The following ADAMTSL1 variants were observed in gnomAD, a reference collection of about 807,000 sequenced individuals.
The protein encoded by ADAMTSL1 is ADAMTS like 1, also known as ADAMTS-like protein 1.
In ADAMTSL1, 126 loss-of-function variants were observed where a neutral mutation model predicts 201.8. The observed-to-expected ratio is 0.62, with a 90% CI of 0.54 to 0.72. The LOEUF is 0.72. Among genes scored for constraint, ADAMTSL1 ranks in the 30% least tolerant of loss-of-function variants. The pLI, the probability that ADAMTSL1 is intolerant of heterozygous loss-of-function variation, is 0.00. For synonymous variants in ADAMTSL1, 1,121 were observed against 903.4 expected (o/e 1.24, Z -4.32); for missense variants, 2,679 against 2,277.8 (o/e 1.18, Z -3.59).
At chr9:18,171,271 A>C (rs1446653516) in intron 2 of ADAMTSL1, among the ~76,000 whole-genome samples, 2 of 152,106 alleles carry the variant, frequency 1.3e-5, no homozygotes, top group Non-Finnish European at 2.9e-5. Flanking sequence ...TAAAGGATGT[A>C]ATAAATGGTT....
chr9:18,027,592 T>G (rs1232216165), intron 1 of ADAMTSL1, among the ~76,000 whole-genome samples: 1 of 152,084 alleles, frequency 6.6e-6, no homozygotes, highest in Admixed American at 6.6e-5. Context: ...TTGGTATGAC[T>G]TAAATTTTAT....
intron 1 of ADAMTSL1, among the ~76,000 whole-genome samples, chr9:18,061,716 A>G (rs1229318084): frequency 6.6e-6 from 1 of 152,254 alleles, no homozygotes; most frequent in Non-Finnish European, 1.5e-5. Flanking sequence ...TTAGTGTCAT[A>G]TCATTTGAAA....
intron 4 of ADAMTSL1, among the ~76,000 whole-genome samples, chr9:18,609,316 A>G (rs1825226313): frequency 1.3e-5 from 2 of 152,276 alleles, no homozygotes; most frequent in South Asian, 2.1e-4. Context: ...GCTACTCCAC[A>G]GCAATTTCAG....
At chr9:18,776,750 C>T in intron 18 of ADAMTSL1, 31 bp from the exon 19 acceptor site, 2 of 1,516,510 alleles carry the variant, frequency 1.3e-6, no homozygotes, top group Non-Finnish European at 1.8e-6. Flanking sequence ...CCACCTCTTT[C>T]TCTGTCCCTT....
chr9:18,032,996 C>G (rs1384126032), intron 1 of ADAMTSL1, among the ~76,000 whole-genome samples: 1 of 152,114 alleles, frequency 6.6e-6, no homozygotes, highest in Admixed American at 6.5e-5. Flanking sequence ...TAATCGTTTA[C>G]TTGATATTTT....
intron 1 of ADAMTSL1, among the ~76,000 whole-genome samples, chr9:17,993,490 G>T (rs2131506529): frequency 6.6e-6 from 1 of 152,124 alleles, no homozygotes; most frequent in South Asian, 2.1e-4. Context: ...AAATTCTTTG[G>T]CTATTGGAAA....
intron 2 of ADAMTSL1, among the ~76,000 whole-genome samples, chr9:18,207,638 T>A (rs115500969): frequency 0.01 from 1,537 of 152,276 alleles, 34 homozygotes; most frequent in African/African-American, 0.036. Context: ...CATGGTCCGA[T>A]GCTAGTCATT....
chr9:17,917,557 A>G (rs1220740480), intron 1 of ADAMTSL1, among the ~76,000 whole-genome samples: 2 of 152,030 alleles, frequency 1.3e-5, no homozygotes, highest in African/African-American at 4.8e-5. Context: ...ATTGATCATA[A>G]TATTATTTTT....
At chr9:18,653,456 G>T (rs1187249238) in intron 7 of ADAMTSL1, among the ~76,000 whole-genome samples, 1 of 152,136 alleles carries the variant, frequency 6.6e-6, no homozygotes, top group Non-Finnish European at 1.5e-5. Flanking sequence ...CCTACTCAAG[G>T]GTTGTGGGCA....
chr9:18,033,999 T>G (rs1821089090), intron 1 of ADAMTSL1, among the ~76,000 whole-genome samples: 1 of 152,162 alleles, frequency 6.6e-6, no homozygotes, highest in South Asian at 2.1e-4. Flanking sequence ...TCTCTCAGAG[T>G]AAGAGGGTAG....
chr9:18,514,532 G>T (rs571344573), intron 2 of ADAMTSL1, among the ~76,000 whole-genome samples: 1 of 151,690 alleles, frequency 6.6e-6, no homozygotes. Flanking sequence ...GGGTTTCACC[G>T]TGTTCACCAG....
chr9:18,820,181 C>T (rs757271669), intron 21 of ADAMTSL1, among the ~76,000 whole-genome samples: 1 of 152,198 alleles, frequency 6.6e-6, no homozygotes, highest in African/African-American at 2.4e-5. Flanking sequence ...ATGTCATATT[C>T]ATTCATGTTA....
intron 24 of ADAMTSL1, among the ~76,000 whole-genome samples, chr9:18,889,248 T>A (rs1588315541): frequency 6.6e-6 from 1 of 152,202 alleles, no homozygotes; most frequent in Non-Finnish European, 1.5e-5. Context: ...AAAAATAAGA[T>A]GACCTGTGGC....
chr9:18,639,822 C>G (rs969000149), intron 7 of ADAMTSL1, among the ~76,000 whole-genome samples: 3 of 152,056 alleles, frequency 2.0e-5, no homozygotes, highest in African/African-American at 7.2e-5. Context: ...CAATGGCAAG[C>G]TCTGTTTTCT....
chr9:18,182,959 T>A (rs1828567669), intron 2 of ADAMTSL1, among the ~76,000 whole-genome samples: 1 of 152,212 alleles, frequency 6.6e-6, no homozygotes, highest in South Asian at 2.1e-4. Context: ...CTGGCTGTAA[T>A]GATCATATAG....
At chr9:18,503,980 A>ATTTGTG (rs1554691179) in intron 1 of ADAMTSL1, among the ~76,000 whole-genome samples, 3 of 148,042 alleles carry the variant, frequency 2.0e-5, no homozygotes, top group African/African-American at 7.5e-5. Context: ...ATGTGCATGC[A>ATTTGTG]TGTGTGTGTG....
chr9:18,723,123 G>A (rs1237486523), intron 15 of ADAMTSL1: 17 of 758,160 alleles, frequency 2.2e-5, no homozygotes, highest in Non-Finnish European at 3.9e-5. Flanking sequence ...GGCCTAGGGC[G>A]AGGTGTCTGC....
At chr9:18,594,362 T>C (rs1306799453) in intron 4 of ADAMTSL1, among the ~76,000 whole-genome samples, 3 of 152,218 alleles carry the variant, frequency 2.0e-5, no homozygotes, top group African/African-American at 7.2e-5. Context: ...TGGATACTTA[T>C]AACTGTCTTC....
intron 13 of ADAMTSL1, chr9:18,685,060 T>G: frequency 3.8e-6 from 4 of 1,048,038 alleles, no homozygotes; most frequent in Non-Finnish European, 4.7e-6. Context: ...TCTGACCTCC[T>G]CTCTTCTCTG....
Sources: allele counts gnomAD v4.1 joint callset (sites outside exome capture counted in the v4.1 genomes callset), GRCh38; gene constraint gnomAD v4.1.1; transcripts MANE v1.5; gene names NCBI Gene and HGNC (gene_info 2026-07-23, HGNC 2026-07-21).